MACC1: variants seen among roughly 807,000 people sequenced by gnomAD.
MACC1 encodes metastasis-associated in colon cancer protein 1.
A neutral mutation model predicts 70.7 loss-of-function variants in MACC1; 79 were observed. The ratio of observed to expected loss-of-function variants is 1.12; its 90% CI spans 0.93 to 1.35. MACC1 has a LOEUF of 1.35. Among genes scored for constraint, MACC1 ranks in the 40% most tolerant of loss-of-function variants. The pLI, the probability that MACC1 is intolerant of heterozygous loss-of-function variation, is 0.00. For missense variants in MACC1, 1,106 were observed against 978.1 expected (o/e 1.13, Z -1.74); for synonymous variants, 361 against 347.2 (o/e 1.04, Z -0.44).
chr7:20,202,308 TAC>T (rs1226382937), intron 1 of MACC1, among the ~76,000 whole-genome samples: 1 of 152,262 alleles, frequency 6.6e-6, no homozygotes, highest in Non-Finnish European at 1.5e-5. Context: ...TAGAAACAGA[TAC>T]AAGATTGTGT....
chr7:20,195,098 T>TA (rs536672872), intron 1 of MACC1, among the ~76,000 whole-genome samples: 15 of 151,314 alleles, frequency 9.9e-5, no homozygotes, highest in Non-Finnish European at 1.5e-4. Flanking sequence ...TTTCTCTTAT[T>TA]AAAAAAAAAC....
At chr7:20,186,060 G>C (rs1286879609) in intron 1 of MACC1, among the ~76,000 whole-genome samples, 1 of 152,176 alleles carries the variant, frequency 6.6e-6, no homozygotes, top group Non-Finnish European at 1.5e-5. Context: ...CTCTTCTGAA[G>C]GAATAACTAC....
intron 6 of MACC1, among the ~76,000 whole-genome samples, chr7:20,142,382 A>C (rs1781818782): frequency 6.6e-6 from 1 of 152,238 alleles, no homozygotes; most frequent in Non-Finnish European, 1.5e-5. Flanking sequence ...GAAGCCATGA[A>C]CAGCCATTTC....
Position 20,160,171 on chromosome 7 carries a change from C to T in MACC1, c.190G>A (p.Ala64Thr). ...GACAGTTGATTCCAGAATGGATTTG[C>T]AACTTTGGAAGCATTATTACCACGA... ...TLRGNNASKV[A>T]NPFWNQLSAS... The change falls in exon 5 of 7, where the codon GCA (alanine) becomes ACA (threonine). Residue 64 changes from alanine to threonine, a missense_variant. By Grantham distance (58) the Ala-to-Thr change is moderately conservative. Transcript: ENST00000400331. 6.2e-7 allele frequency: 1 copy of T among 1,610,972 alleles called. No homozygotes were observed. Among genetic ancestry groups the T allele is most frequent in the Non-Finnish European group, 8.5e-7 (1 of 1,179,218 alleles).
intron 1 of MACC1, among the ~76,000 whole-genome samples, chr7:20,200,467 C>G (rs753473435): frequency 6.6e-6 from 1 of 152,146 alleles, no homozygotes; most frequent in Non-Finnish European, 1.5e-5. Flanking sequence ...CTGGTCATAA[C>G]GACAAATCCT....
intron 1 of MACC1, among the ~76,000 whole-genome samples, chr7:20,189,750 A>AC (rs1554291002): frequency 0.067 from 7,888 of 117,740 alleles, 253 homozygotes; most frequent in African/African-American, 0.099. Flanking sequence ...CAAACACATA[A>AC]ACACACACAC....
chr7:20,190,591 A>G (rs1782657797), intron 1 of MACC1, among the ~76,000 whole-genome samples: 1 of 152,242 alleles, frequency 6.6e-6, no homozygotes, highest in Non-Finnish European at 1.5e-5. Flanking sequence ...CAGCCTGCAG[A>G]GATAATCCTA....
intron 1 of MACC1, among the ~76,000 whole-genome samples, chr7:20,201,242 C>T (rs971583360): frequency 6.6e-6 from 1 of 152,120 alleles, no homozygotes; most frequent in African/African-American, 2.4e-5. Context: ...GACTGTCCCC[C>T]CCATGGACTA....
chr7:20,169,333 A>G (rs1782266712), intron 2 of MACC1, among the ~76,000 whole-genome samples: 1 of 152,214 alleles, frequency 6.6e-6, no homozygotes, highest in African/African-American at 2.4e-5. Context: ...TTGTGTAGTT[A>G]TGGACCTGCA....
At position 20,158,675 on chromosome 7, in the gene MACC1, T is replaced by A. The variant is rs773968703; in HGVS notation, c.1686A>T (p.Arg562Ser). 9.9e-6 allele frequency: 16 copies of A among 1,613,984 alleles called. No individual in the cohort carries two copies. Among genetic ancestry groups the A allele is most frequent in the Non-Finnish European group, 1.4e-5 (16 of 1,179,976 alleles). The change falls in exon 5 of 7, where the codon AGA becomes AGT. Residue 562 changes from arginine to serine, a missense_variant. Transcript: ENST00000400331. Reference protein sequence around the residue: ...NYGVTLKAVLRQSKIDYFLEY... With the variant: ...NYGVTLKAVLSQSKIDYFLEY... ...CAAGGAAGTAATCAATCTTGCTTTG[T>A]CTTAGCACTGCCTTCAGGGTTACCC...
In MACC1 at chr7:20,159,795, G is replaced by C; in HGVS notation, c.566C>G (p.Ala189Gly). 6.2e-7 allele frequency: 1 copy of C among 1,614,090 alleles called. No homozygotes were observed. The highest frequency in any genetic ancestry group is 8.5e-7 in the Non-Finnish European group (1 of 1,180,028). Residue 189 changes from alanine to glycine, a missense_variant, in exon 5 of 7, where the codon GCC becomes GGC. Transcript: ENST00000400331. Reference sequence around the variant, plus strand: ...TGTATTCAAATCAAGGCAGGAGCGGGCCAGCTGGCGTTGACTTAACCAAGC... The same window carrying C: ...TGTATTCAAATCAAGGCAGGAGCGGCCCAGCTGGCGTTGACTTAACCAAGC... ...KMAWLSQRQL[A>G]RSCLDLNTIS... is the part of the protein sequence containing the mutation.
At chr7:20,177,810 T>G (rs960767645) in intron 1 of MACC1, among the ~76,000 whole-genome samples, 3 of 151,606 alleles carry the variant, frequency 2.0e-5, no homozygotes, top group Admixed American at 2.0e-4. Flanking sequence ...TTACCTGACA[T>G]ATTTTTTCCC....
At chr7:20,151,135 C>T (rs1178737959) in intron 6 of MACC1, among the ~76,000 whole-genome samples, 2 of 151,450 alleles carry the variant, frequency 1.3e-5, no homozygotes, top group African/African-American at 4.9e-5. Context: ...ATAAAAATGG[C>T]ATAATCTATA....
At chr7:20,175,135 G>C (rs1483002071) in intron 1 of MACC1, among the ~76,000 whole-genome samples, 2 of 151,968 alleles carry the variant, frequency 1.3e-5, no homozygotes, top group Non-Finnish European at 2.9e-5. Flanking sequence ...TCTACTCTGA[G>C]ATAAAATGAA....
rs201244690 is a variant in MACC1, at chr7:20,159,837, C to T, written c.524G>A (p.Arg175Gln). Residue 175 changes from arginine to glutamine, a missense_variant, in exon 5 of 7, where the codon CGG becomes CAG. Physicochemically the swap from Arg to Gln is conservative, Grantham distance 43. Transcript: ENST00000400331. Reference protein sequence around the residue: ...LHDLEWLKNDREAYKMAWLSQ... With the variant: ...LHDLEWLKNDQEAYKMAWLSQ... ...TAACCAAGCCATTTTATAAGCCTCC[C>T]GATCATTTTTAAGCCACTCTAAGTC... The T allele has an allele frequency of 7.4e-6, 12 of 1,614,104 alleles. No individual in the cohort carries two copies. The African/African-American group carries it at 9.3e-5, about 13-fold the overall frequency.
At chr7:20,156,321 G>C (rs970263491) in intron 5 of MACC1, among the ~76,000 whole-genome samples, 2 of 152,124 alleles carry the variant, frequency 1.3e-5, no homozygotes, top group Non-Finnish European at 2.9e-5. Context: ...CTAAAGCTTG[G>C]AAGCTCCCCG....
At chr7:20,207,295 C>G (rs1782926964) in intron 1 of MACC1, among the ~76,000 whole-genome samples, 1 of 151,648 alleles carries the variant, frequency 6.6e-6, no homozygotes, top group Non-Finnish European at 1.5e-5. Context: ...CATGTGCCAC[C>G]CCATGTCTGG....
rs1366692976 is a variant in MACC1 at position 20,140,881 on chromosome 7, A to G, written c.*65T>C. 3.3e-6 allele frequency: 4 copies of G among 1,195,320 alleles called. No homozygotes were observed. Among genetic ancestry groups the G allele is most frequent in the Non-Finnish European group, 2.4e-6 (2 of 846,290 alleles). 74.0% of individuals were successfully genotyped at this position (1,195,320 alleles called of 1,614,324 possible). ...CACACAGAGACACACACAGACACAC[A>G]CAGACACACACACACACACACCATT... On this transcript the variant is annotated 3_prime_UTR_variant, in exon 7 of 7. Coordinates refer to ENST00000400331, the MANE Select transcript of MACC1 (RefSeq NM_182762.4).
chr7:20,171,507 G>A (rs1366867649), intron 1 of MACC1, among the ~76,000 whole-genome samples: 1 of 151,714 alleles, frequency 6.6e-6, no homozygotes, highest in Non-Finnish European at 1.5e-5. Context: ...GCCTGCCTCG[G>A]CCTCCCAAAG....
Sources: gnomAD v4.1 joint callset for allele counts (sites outside exome capture counted in the v4.1 genomes callset) on GRCh38, gnomAD v4.1.1 for gene constraint, MANE v1.5 for transcripts, NCBI Gene and HGNC (gene_info 2026-07-23, HGNC 2026-07-21) for gene names.